The following CFAP61 variants were observed in gnomAD, a reference collection of about 807,000 sequenced individuals.
The protein encoded by CFAP61 is cilia- and flagella-associated protein 61.
A neutral mutation model predicts 135.6 loss-of-function variants in CFAP61; 107 were observed. The ratio of observed to expected loss-of-function variants is 0.79; its 90% CI spans 0.67 to 0.93. The LOEUF (loss-of-function observed/expected upper bound fraction) is 0.93. Ranked by LOEUF, CFAP61 falls within the 40% of genes least tolerant of loss-of-function variation. CFAP61 has a pLI of 0.00. For missense variants in CFAP61, 1,507 were observed against 1,556.2 expected (o/e 0.97, Z 0.53); for synonymous variants, 575 against 578.5 (o/e 0.99, Z 0.09).
chr20:20,219,788 T>C (rs189999647), intron 17 of CFAP61, among the ~76,000 whole-genome samples: 51 of 152,354 alleles, frequency 3.3e-4, no homozygotes, highest in Non-Finnish European at 5.9e-4. Flanking sequence ...TATAAACTTA[T>C]ATATGCTATG....
chr20:20,116,491 C>CA (rs2049151705), intron 8 of CFAP61, among the ~76,000 whole-genome samples: 1 of 152,140 alleles, frequency 6.6e-6, no homozygotes, highest in Admixed American at 6.5e-5. Context: ...AGGTCTTACA[C>CA]AAAAAATCCT....
intron 25 of CFAP61, among the ~76,000 whole-genome samples, chr20:20,317,482 C>T (rs990005336): frequency 1.3e-5 from 2 of 152,198 alleles, no homozygotes; most frequent in African/African-American, 4.8e-5. Flanking sequence ...CCAGCATGGC[C>T]TCAGCCATTT....
chr20:20,075,167 C>T, intron 4 of CFAP61, 22 bp from the exon 5 acceptor site: 1 of 1,611,650 alleles, frequency 6.2e-7, no homozygotes, highest in Admixed American at 1.7e-5. Context: ...TAACACTGCC[C>T]CACCCTCTCT....
chr20:20,077,631 A>G (rs1468397319), intron 6 of CFAP61, among the ~76,000 whole-genome samples: 1 of 152,244 alleles, frequency 6.6e-6, no homozygotes, highest in Non-Finnish European at 1.5e-5. Flanking sequence ...GGGAGATATA[A>G]GACACAAATC....
intron 8 of CFAP61, among the ~76,000 whole-genome samples, chr20:20,109,971 A>G (rs948989488): frequency 1.7e-4 from 26 of 151,328 alleles, no homozygotes; most frequent in Admixed American, 7.9e-4. Context: ...CAATGGCGCA[A>G]TCTCGGCTCA....
chr20:20,073,396 A>G (rs2045855962), intron 3 of CFAP61, among the ~76,000 whole-genome samples: 1 of 152,208 alleles, frequency 6.6e-6, no homozygotes, highest in Non-Finnish European at 1.5e-5. Flanking sequence ...TCTGAGTCAC[A>G]CACCATCCGA....
chr20:20,157,026 C>T (rs1215596659), intron 9 of CFAP61, among the ~76,000 whole-genome samples: 1 of 152,088 alleles, frequency 6.6e-6, no homozygotes, highest in African/African-American at 2.4e-5. Context: ...GCCAGAGAAA[C>T]TTTGAAAAAT....
chr20:20,060,457 A>G (rs771370890), intron 2 of CFAP61, among the ~76,000 whole-genome samples: 5 of 152,262 alleles, frequency 3.3e-5, no homozygotes, highest in Non-Finnish European at 4.4e-5. Context: ...TAAAACAATA[A>G]TATTGATAAT....
At chr20:20,088,714 C>T (rs2046975164) in intron 6 of CFAP61, among the ~76,000 whole-genome samples, 2 of 152,238 alleles carry the variant, frequency 1.3e-5, no homozygotes, top group South Asian at 4.1e-4. Context: ...TCCCTCCCAT[C>T]CCGAGTTGTC....
At chr20:20,265,573 A>C (rs957181492) in intron 21 of CFAP61, 1 of 764,244 alleles carries the variant, frequency 1.3e-6, no homozygotes, top group African/African-American at 1.7e-5. Flanking sequence ...TTTGTCCACC[A>C]AATAGCCAGG....
chr20:20,160,319 C>T (rs888188524), intron 10 of CFAP61, among the ~76,000 whole-genome samples: 1 of 152,178 alleles, frequency 6.6e-6, no homozygotes, highest in Non-Finnish European at 1.5e-5. Flanking sequence ...TCCATAGAGG[C>T]ACTGGGACAG....
chr20:20,306,540 A>G (rs1179726625), intron 25 of CFAP61, among the ~76,000 whole-genome samples: 1 of 152,194 alleles, frequency 6.6e-6, no homozygotes, highest in East Asian at 1.9e-4. Flanking sequence ...CTAACAGGCA[A>G]GATTTTGTTT....
In CFAP61 at chr20:20,166,516, A is replaced by T. The variant is rs374811068; in HGVS notation, c.1245+80A>T. ...AAAAGTAAAATGCCATAAATTTATT[A>T]TGCTGTGAATGTTGAGGTTTGTGTT... On this transcript the variant is annotated intron_variant, in intron 12 of 26. Coordinates refer to ENST00000245957, the MANE Select transcript of CFAP61 (RefSeq NM_015585.4). The T allele has an allele frequency of 6.4e-6, 7 of 1,090,204 alleles. No homozygotes were observed. The African/African-American group carries it at 1.1e-4, about 17-fold the overall frequency. 67.5% of individuals were successfully genotyped at this position (1,090,204 alleles called of 1,614,324 possible).
At chr20:20,080,747 T>C (rs2046374325) in intron 6 of CFAP61, among the ~76,000 whole-genome samples, 1 of 152,196 alleles carries the variant, frequency 6.6e-6, no homozygotes, top group South Asian at 2.1e-4. Context: ...TTCACACCTG[T>C]AATCCCAGCA....
At chr20:20,103,740 G>T (rs2048185457) in intron 8 of CFAP61, among the ~76,000 whole-genome samples, 1 of 152,110 alleles carries the variant, frequency 6.6e-6, no homozygotes, top group South Asian at 2.1e-4. Context: ...GCCCTGCCTG[G>T]TGTTTGCAAA....
Position 20,075,218 on chromosome 20 carries a change from A to C in CFAP61, c.401A>C (p.His134Pro). 1 of 1,614,096 alleles carries C rather than the reference A, an allele frequency of 6.2e-7. No individual in the cohort carries two copies. The highest frequency in any genetic ancestry group is 8.5e-7 in the Non-Finnish European group (1 of 1,179,990). Residue 134 changes from histidine to proline, a missense_variant, in exon 5 of 27, where the codon CAC becomes CCC. Physicochemically the swap from His to Pro is moderately conservative, Grantham distance 77. Coordinates refer to ENST00000245957, the MANE Select transcript of CFAP61 (RefSeq NM_015585.4). Reference protein sequence around the residue: ...RTVYKAVPELHFIFLIVPSYM... With the variant: ...RTVYKAVPELPFIFLIVPSYM... ...GTGTATAAGGCAGTGCCAGAGCTGC[A>C]CTTCATATTTCTCATCGTGCCATCC...
At chr20:20,181,195 GTA>G (rs1193211410) in intron 13 of CFAP61, among the ~76,000 whole-genome samples, 16 of 133,260 alleles carry the variant, frequency 1.2e-4, no homozygotes, top group African/African-American at 3.6e-4. Context: ...GCATATATAT[GTA>G]TATATATGTA....
At chr20:20,212,825 ATTG>A (rs1172940585) in intron 17 of CFAP61, among the ~76,000 whole-genome samples, 1 of 152,282 alleles carries the variant, frequency 6.6e-6, no homozygotes, top group East Asian at 1.9e-4. Context: ...TTCAGTCAGT[ATTG>A]TTGTGTACTG....
intron 18 of CFAP61, among the ~76,000 whole-genome samples, chr20:20,235,804 G>A (rs2049544317): frequency 6.6e-6 from 1 of 152,134 alleles, no homozygotes; most frequent in Non-Finnish European, 1.5e-5. Context: ...AAACAGCCCC[G>A]CCTGAAAACA....
Sources: allele counts gnomAD v4.1 joint callset (sites outside exome capture counted in the v4.1 genomes callset), GRCh38; gene constraint gnomAD v4.1.1; transcripts MANE v1.5; gene names NCBI Gene and HGNC (gene_info 2026-07-23, HGNC 2026-07-21).